Variants in BNC2 observed in about 807,000 individuals in gnomAD.
The protein encoded by BNC2 is zinc finger protein basonuclin-2.
A neutral mutation model predicts 76.3 loss-of-function variants in BNC2; 20 were observed. The observed-to-expected ratio is 0.26, with a 90% confidence interval of 0.18 to 0.38. BNC2 has a LOEUF of 0.38. Ranked by LOEUF, BNC2 falls within the 10% of genes least tolerant of loss-of-function variation. BNC2 has a pLI of 1.00. For missense variants in BNC2, 1,382 were observed against 1,399.8 expected (o/e 0.99, Z 0.20); for synonymous variants, 582 against 514.8 (o/e 1.13, Z -1.77).
At chr9:16,456,673 T>G (rs1325337415) in intron 5 of BNC2, among the ~76,000 whole-genome samples, 1 of 152,196 alleles carries the variant, frequency 6.6e-6, no homozygotes, top group Admixed American at 6.5e-5. Context: ...CTAGCAGCAC[T>G]TCTGCTTCTT....
intron 1 of BNC2, among the ~76,000 whole-genome samples, chr9:16,755,431 C>T (rs929083521): frequency 6.6e-5 from 10 of 152,064 alleles, no homozygotes; most frequent in Non-Finnish European, 1.5e-5. Context: ...CTACATTATC[C>T]AGGAAAAGTA....
At chr9:16,853,731 G>A (rs1050432811) in intron 1 of BNC2, among the ~76,000 whole-genome samples, 2 of 152,068 alleles carry the variant, frequency 1.3e-5, no homozygotes, top group Non-Finnish European at 2.9e-5. Flanking sequence ...AGCTGGACGT[G>A]GTAGTGCATA....
chr9:16,615,612 G>A (rs1004967985), intron 3 of BNC2, among the ~76,000 whole-genome samples: 2 of 152,110 alleles, frequency 1.3e-5, no homozygotes, highest in African/African-American at 4.8e-5. Context: ...TTCCAGGACT[G>A]TCCATTCTTC....
chr9:16,582,920 C>CACAG, intron 4 of BNC2, 63 bp downstream of exon 4: 1 of 1,205,306 alleles, frequency 8.3e-7, no homozygotes, highest in South Asian at 1.2e-5. Context: ...CACACACACA[C>CACAG]ACACACACAC....
At chr9:16,552,419 T>A (rs1818691267) in intron 5 of BNC2, 111 bp downstream of exon 5, 1 of 908,774 alleles carries the variant, frequency 1.1e-6, no homozygotes, top group Non-Finnish European at 1.8e-6. Context: ...AAACGACCAC[T>A]TTAACCAGAG....
chr9:16,713,948 A>G (rs1034812730), intron 3 of BNC2, among the ~76,000 whole-genome samples: 10 of 152,160 alleles, frequency 6.6e-5, no homozygotes, highest in African/African-American at 9.7e-5. Context: ...GGTGGCGTGT[A>G]TCTATATTCC....
chr9:16,633,322 T>C (rs1054668803), intron 3 of BNC2, among the ~76,000 whole-genome samples: 2 of 152,214 alleles, frequency 1.3e-5, no homozygotes, highest in Non-Finnish European at 2.9e-5. Flanking sequence ...AGGCCATACA[T>C]AAATGTTATT....
chr9:16,657,498 G>C (rs1821964204), intron 3 of BNC2, among the ~76,000 whole-genome samples: 1 of 152,154 alleles, frequency 6.6e-6, no homozygotes, highest in African/African-American at 2.4e-5. Flanking sequence ...GGGAGGCTAA[G>C]GCAGAAGAGG....
intron 3 of BNC2, among the ~76,000 whole-genome samples, chr9:16,712,962 G>A (rs1019898853): frequency 1.3e-5 from 2 of 152,158 alleles, no homozygotes; most frequent in African/African-American, 2.4e-5. Flanking sequence ...CTAAAGACTA[G>A]GAGGCTCCAA....
intron 3 of BNC2, among the ~76,000 whole-genome samples, chr9:16,700,679 G>C (rs1485497070): frequency 1.3e-5 from 2 of 152,124 alleles, no homozygotes; most frequent in South Asian, 2.1e-4. Flanking sequence ...CTGATTAGCA[G>C]TCAGGTGCAG....
intron 5 of BNC2, among the ~76,000 whole-genome samples, chr9:16,545,308 G>A (rs988003276): frequency 3.3e-4 from 50 of 152,322 alleles, no homozygotes; most frequent in African/African-American, 1.2e-3. Context: ...GTAACAGTCT[G>A]TATCATCATC....
At position 16,747,187 on chromosome 9, in the gene BNC2, T is replaced by C. The variant is rs142868559; in HGVS notation, c.4-8702A>G. Among the ~76,000 whole-genome samples the C allele has an allele frequency of 2.7e-3, 411 of 152,252 alleles. 1 individual carries two copies. The highest frequency in any genetic ancestry group is 9.3e-3 in the African/African-American group (388 of 41,554). ...AAGTTAGGCATCTTCACAGGGTACA[T>C]AAATAATTAATTGTCCTTGTACCCG... On this transcript the variant is annotated intron_variant, in intron 1 of 6. Coordinates refer to ENST00000380672, the MANE Select transcript of BNC2 (RefSeq NM_017637.6).
intron 3 of BNC2, among the ~76,000 whole-genome samples, chr9:16,658,813 C>A (rs1172639384): frequency 1.3e-5 from 2 of 152,132 alleles, no homozygotes; most frequent in Non-Finnish European, 2.9e-5. Context: ...TGAAGGCACT[C>A]TTTCTTATGC....
intron 5 of BNC2, among the ~76,000 whole-genome samples, chr9:16,511,355 C>A (rs1822750875): frequency 6.6e-6 from 1 of 151,034 alleles, no homozygotes. Context: ...AAGGGATTGT[C>A]CCACCTCGTT....
At chr9:16,559,563 G>C (rs1478694925) in intron 4 of BNC2, among the ~76,000 whole-genome samples, 1 of 152,192 alleles carries the variant, frequency 6.6e-6, no homozygotes, top group Non-Finnish European at 1.5e-5. Flanking sequence ...CGAATAAATA[G>C]TCAATATGAA....
intron 1 of BNC2, among the ~76,000 whole-genome samples, chr9:16,869,375 G>C (rs1819619403): frequency 6.6e-6 from 1 of 151,838 alleles, no homozygotes; most frequent in African/African-American, 2.4e-5. Context: ...TTTAATTTCT[G>C]TCAGCGTTAC....
At chr9:16,730,467 C>T (rs1355553645) in intron 2 of BNC2, among the ~76,000 whole-genome samples, 1 of 152,220 alleles carries the variant, frequency 6.6e-6, no homozygotes, top group Non-Finnish European at 1.5e-5. Flanking sequence ...CTAAACTGCA[C>T]AGCTCCGTAA....
At chr9:16,480,606 G>C (rs1236229151) in intron 5 of BNC2, among the ~76,000 whole-genome samples, 1 of 152,220 alleles carries the variant, frequency 6.6e-6, no homozygotes, top group Non-Finnish European at 1.5e-5. Flanking sequence ...ACTTGGAGCA[G>C]CAGGCCGGCC....
At position 16,615,349 on chromosome 9, in the gene BNC2, T is replaced by C. The variant is rs10123893; in HGVS notation, c.331-32264A>G. On this transcript the variant is annotated intron_variant, in intron 3 of 6. Transcript: ENST00000380672. Reference sequence around the variant, plus strand: ...TACCCCAAAATATGGCACCTTGACATACTGAATATTTAAGATTAAGAGTTT... The same window carrying C: ...TACCCCAAAATATGGCACCTTGACACACTGAATATTTAAGATTAAGAGTTT... Among the ~76,000 whole-genome samples the C allele has an allele frequency of 8.9e-3, 1,355 of 152,238 alleles. 16 individuals are homozygous for C. The highest frequency in any genetic ancestry group is 0.03 in the African/African-American group (1,242 of 41,526).
Sources: gnomAD v4.1 joint callset for allele counts (sites outside exome capture counted in the v4.1 genomes callset) on GRCh38, gnomAD v4.1.1 for gene constraint, MANE v1.5 for transcripts, NCBI Gene and HGNC (gene_info 2026-07-23, HGNC 2026-07-21) for gene names.